ZDHHC4: variants seen among roughly 807,000 people sequenced by gnomAD.
The protein encoded by ZDHHC4 is palmitoyltransferase ZDHHC4.
In ZDHHC4, 42 loss-of-function variants were observed where a neutral mutation model predicts 36.7. The ratio of observed to expected loss-of-function variants is 1.14; its 90% confidence interval spans 0.89 to 1.48. The LOEUF (loss-of-function observed/expected upper bound fraction) is 1.48. Ranked by LOEUF, ZDHHC4 falls within the 40% of genes most tolerant of loss-of-function variation. ZDHHC4 has a pLI of 0.00. For missense variants in ZDHHC4, 457 were observed against 421.5 expected (o/e 1.08, Z -0.74); for synonymous variants, 189 against 166.6 (o/e 1.13, Z -1.03).
Position 6,583,343 on chromosome 7 carries a change from T to G in ZDHHC4, c.408T>G (p.His136Gln). 6.2e-7 allele frequency: 1 copy of G among 1,613,824 alleles called. No individual in the cohort carries two copies. ...ITKANELLFL[H>Q]VYEFDEVMFP... ...AAGCAAATGAATTATTATTTCTTCA[T>G]GTTTATGAATTTGATGAAGTGATGT... is the stretch of plus-strand genomic sequence containing the variant. The change falls in exon 6 of 8, where the codon CAT becomes CAG. Residue 136 changes from histidine to glutamine, a missense_variant. By Grantham distance (24) the His-to-Gln change is conservative. Coordinates refer to ENST00000335965, the MANE Select transcript of ZDHHC4 (RefSeq NM_001134389.2).
intron 2 of ZDHHC4, 79 bp from the exon 3 acceptor site, chr7:6,580,476 G>A (rs566807209): frequency 4.3e-6 from 5 of 1,160,294 alleles, no homozygotes; most frequent in South Asian, 3.7e-5. Flanking sequence ...TAGCCATTTG[G>A]GAGTTGATGT....
In ZDHHC4 at chr7:6,582,207, G is replaced by C; in HGVS notation, c.326G>C (p.Gly109Ala). The C allele has an allele frequency of 6.2e-7, 1 of 1,614,122 alleles. No individual in the cohort carries two copies. Among genetic ancestry groups the C allele is most frequent in the East Asian group, 2.2e-5 (1 of 44,880 alleles). Residue 109 changes from glycine to alanine, a missense_variant, in exon 5 of 8, where the codon GGT becomes GCT. Coordinates refer to ENST00000335965, the MANE Select transcript of ZDHHC4 (RefSeq NM_001134389.2). Reference protein sequence around the residue: ...HYLLLPYLLLGVNLFFFTLTC... With the variant: ...HYLLLPYLLLAVNLFFFTLTC... ...CTTCTTCTGCCCTATCTGCTGCTAGGTGTAAACCTGTTTTTTTTCACCCTG... is the reference window on the plus strand; with the variant it reads ...CTTCTTCTGCCCTATCTGCTGCTAGCTGTAAACCTGTTTTTTTTCACCCTG...
chr7:6,584,998 C>G lies in ZDHHC4; in HGVS notation c.497-18C>G. On this transcript the variant is annotated intron_variant, in intron 6 of 7. Transcript: ENST00000335965. ...CGTCAAGCACCATCCCAGCACGTGCCCCCTTGTTTCTGTGCAGGTGTGTGT... is the reference window on the plus strand; with the variant it reads ...CGTCAAGCACCATCCCAGCACGTGCGCCCTTGTTTCTGTGCAGGTGTGTGT... The G allele has an allele frequency of 6.2e-7, 1 of 1,612,748 alleles. No homozygotes were observed. The highest frequency in any genetic ancestry group is 1.3e-5 in the African/African-American group (1 of 75,026).
chr7:6,586,629 C>T (rs1781264026), intron 7 of ZDHHC4, among the ~76,000 whole-genome samples: 1 of 152,152 alleles, frequency 6.6e-6, no homozygotes. Context: ...GCATGAGCCA[C>T]CACGCCTGGC....
At chr7:6,582,605 C>T (rs1465845419) in intron 5 of ZDHHC4, among the ~76,000 whole-genome samples, 1 of 152,166 alleles carries the variant, frequency 6.6e-6, no homozygotes, top group Non-Finnish European at 1.5e-5. Context: ...GCAACCTCCG[C>T]CTCCCGGGTT....
rs929997920 is a variant in ZDHHC4 at position 6,577,485 on chromosome 7, C to T, written c.-176C>T. The T allele has an allele frequency of 6.6e-5, 10 of 152,286 alleles. No individual in the cohort carries two copies. Among genetic ancestry groups the T allele is most frequent in the African/African-American group, 2.2e-4 (9 of 41,568 alleles). The allele number at this position is 152,286 out of a possible 1,614,324, so 9.4% of individuals were successfully genotyped here. ...GTATCGCGCCCGGGAGGCGCCGGAG[C>T]CCAGCGGCTGGCGGTAAGGCCGCCT... is the stretch of plus-strand genomic sequence containing the variant. On this transcript the variant is annotated 5_prime_UTR_variant, in exon 1 of 8. Coordinates refer to ENST00000335965, the MANE Select transcript of ZDHHC4 (RefSeq NM_001134389.2).
At chr7:6,579,911 G>A (rs1158140747) in intron 2 of ZDHHC4, among the ~76,000 whole-genome samples, 3 of 152,006 alleles carry the variant, frequency 2.0e-5, no homozygotes, top group Non-Finnish European at 4.4e-5. Context: ...CGAGGCAGGT[G>A]GATCACCTGA....
At chr7:6,579,326 G>T (rs1162925214) in intron 2 of ZDHHC4, among the ~76,000 whole-genome samples, 1 of 151,656 alleles carries the variant, frequency 6.6e-6, no homozygotes, top group African/African-American at 2.4e-5. Flanking sequence ...TCCACCCCCT[G>T]AGTCGCTGGG....
chr7:6,583,380 G>GT lies in ZDHHC4; in HGVS notation c.446dup (p.Arg150GlufsTer6). On this transcript the variant is annotated frameshift_variant, in exon 6 of 8. Transcript: ENST00000335965. LOFTEE classifies it high-confidence loss of function. Reference sequence around the variant, plus strand: ...TGATGAAGTGATGTTTCCAAAGAACGTGAGGTGCTCTACTTGTGATTTAAG... The same window carrying GT: ...TGATGAAGTGATGTTTCCAAAGAACGTTGAGGTGCTCTACTTGTGATTTAAG... The GT allele has an allele frequency of 6.2e-7, 1 of 1,613,926 alleles. No individual in the cohort carries two copies. The highest frequency in any genetic ancestry group is 8.5e-7 in the Non-Finnish European group (1 of 1,179,922).
chr7:6,581,105 T>G (rs948990498), intron 3 of ZDHHC4: 2 of 251,508 alleles, frequency 8.0e-6, no homozygotes, highest in Admixed American at 5.2e-5. Flanking sequence ...GGCATGGATG[T>G]GAGCAGGGTC....
Position 6,588,652 on chromosome 7 carries a change from G to T in ZDHHC4, c.777G>T (p.Met259Ile). 6.2e-7 allele frequency: 1 copy of T among 1,614,164 alleles called. No individual in the cohort carries two copies. Among genetic ancestry groups the T allele is most frequent in the South Asian group, 1.1e-5 (1 of 91,080 alleles). The change falls in exon 8 of 8, where the codon ATG becomes ATT. Residue 259 changes from methionine to isoleucine, a missense_variant. Transcript: ENST00000335965. ...LFLTFPRIVF[M>I]LGFVVVLSFL... ...TGACTTTTCCACGGATTGTCTTCAT[G>T]CTGGGCTTTGTCGTGGTTCTGAGCT...
In ZDHHC4 at chr7:6,582,127, G is replaced by T; in HGVS notation, c.246G>T (p.Glu82Asp). The T allele has an allele frequency of 6.2e-7, 1 of 1,614,176 alleles. No individual in the cohort carries two copies. The highest frequency in any genetic ancestry group is 8.5e-7 in the Non-Finnish European group (1 of 1,180,036). ...HLVLQGMVYT[E>D]YTWEVFGYCQ... is the part of the protein sequence containing the mutation. ...TCTTGCAAGGGATGGTTTATACTGA[G>T]TACACCTGGGAAGTATTTGGCTACT... The change falls in exon 5 of 8, where the codon GAG becomes GAT. Residue 82 changes from glutamate (E) to aspartate (D), a missense_variant. By Grantham distance (45) the Glu-to-Asp change is conservative. Transcript: ENST00000335965.
At chr7:6,583,688 A>C in intron 6 of ZDHHC4, 1 of 380,438 alleles carries the variant, frequency 2.6e-6, no homozygotes, top group Non-Finnish European at 4.6e-6. Context: ...GCTCCCCACA[A>C]GTTGTTTCTG....
Position 6,585,004 on chromosome 7 carries a change from G to T in ZDHHC4, c.497-12G>T, listed in dbSNP as rs1781136076. On this transcript the variant is annotated splice_polypyrimidine_tract_variant and intron_variant, in intron 6 of 7. Coordinates refer to ENST00000335965, the MANE Select transcript of ZDHHC4 (RefSeq NM_001134389.2). Reference sequence around the variant, plus strand: ...GCACCATCCCAGCACGTGCCCCCTTGTTTCTGTGCAGGTGTGTGTAACTGG... The same window carrying T: ...GCACCATCCCAGCACGTGCCCCCTTTTTTCTGTGCAGGTGTGTGTAACTGG... The T allele has an allele frequency of 4.3e-6, 7 of 1,613,456 alleles. No individual in the cohort carries two copies. Among genetic ancestry groups the T allele is most frequent in the Middle Eastern group, 1.7e-4 (1 of 6,056 alleles).
At chr7:6,587,862 T>G (rs13437804) in intron 7 of ZDHHC4, among the ~76,000 whole-genome samples, 2,065 of 152,208 alleles carry the variant, frequency 0.014, 39 homozygotes, top group African/African-American at 0.043. Context: ...TCTATTGATT[T>G]ATTTATTTAT....
In ZDHHC4 at chr7:6,580,616, G is replaced by C; in HGVS notation, c.55G>C (p.Val19Leu). 1 of 1,614,126 alleles carries C rather than the reference G, an allele frequency of 6.2e-7. No homozygotes were observed. Among genetic ancestry groups the C allele is most frequent in the South Asian group, 1.1e-5 (1 of 91,086 alleles). Reference protein sequence around the residue: ...FYLASVLMGLVLICVCSKTHS... With the variant: ...FYLASVLMGLLLICVCSKTHS... ...CCTGGCTTCGGTGCTGATGGGTCTT[G>C]TTCTTATCTGCGTCTGCTCGAAAAC... The change falls in exon 3 of 8, where the codon GTT (valine) becomes CTT (leucine). Residue 19 changes from valine to leucine, a missense_variant. By Grantham distance (32) the Val-to-Leu change is conservative. Transcript: ENST00000335965.
At position 6,580,593 on chromosome 7, in the gene ZDHHC4, T is replaced by C; in HGVS notation, c.32T>C (p.Leu11Pro). ...TTTCTGGTCCTCTTCTTGTTCTACCTGGCTTCGGTGCTGATGGGTCTTGTT... is the reference window on the plus strand; with the variant it reads ...TTTCTGGTCCTCTTCTTGTTCTACCCGGCTTCGGTGCTGATGGGTCTTGTT... Reference protein sequence around the residue: MDFLVLFLFYLASVLMGLVLI... With the variant: MDFLVLFLFYPASVLMGLVLI... The change falls in exon 3 of 8, where the codon CTG (leucine) becomes CCG (proline). Residue 11 changes from leucine (L) to proline (P), a missense_variant. Transcript: ENST00000335965. 6.2e-7 allele frequency: 1 copy of C among 1,614,190 alleles called. No homozygotes were observed. Among genetic ancestry groups the C allele is most frequent in the Non-Finnish European group, 8.5e-7 (1 of 1,180,028 alleles).
At chr7:6,580,115 A>G (rs1335598367) in intron 2 of ZDHHC4, among the ~76,000 whole-genome samples, 2 of 152,130 alleles carry the variant, frequency 1.3e-5, no homozygotes, top group East Asian at 3.8e-4. Context: ...AACCTGGGTA[A>G]CAAGAGTGAA....
chr7:6,586,265 T>G (rs1434472211), intron 7 of ZDHHC4, among the ~76,000 whole-genome samples: 2 of 152,150 alleles, frequency 1.3e-5, no homozygotes, highest in Non-Finnish European at 2.9e-5. Flanking sequence ...CTATCTAATT[T>G]CAGAACATTT....
Sources: allele counts gnomAD v4.1 joint callset (sites outside exome capture counted in the v4.1 genomes callset), GRCh38; gene constraint gnomAD v4.1.1; transcripts MANE v1.5; gene names NCBI Gene and HGNC (gene_info 2026-07-23, HGNC 2026-07-21).